The following TUBGCP2 variants were observed in gnomAD, a reference collection of about 807,000 sequenced individuals.
The protein encoded by TUBGCP2 is gamma-tubulin complex component 2.
A neutral mutation model predicts 92.2 loss-of-function variants in TUBGCP2; 55 were observed. That is an observed-to-expected ratio of 0.60 (90% CI 0.48 to 0.75). The LOEUF (loss-of-function observed/expected upper bound fraction) is 0.75. Among genes scored for constraint, TUBGCP2 ranks in the 30% least tolerant of loss-of-function variants. TUBGCP2 has a pLI of 0.00. For missense variants in TUBGCP2, 1,093 were observed against 1,188.9 expected, an observed-to-expected ratio of 0.92 and a Z score of 1.19; for synonymous variants, 533 against 505.2, an observed-to-expected ratio of 1.06 and a Z score of -0.74.
chr10:133,279,969 G>A (rs762459992), intron 17 of TUBGCP2, 68 bp from the exon 18 acceptor site: 147 of 1,564,710 alleles, frequency 9.4e-5, no homozygotes, highest in Non-Finnish European at 1.2e-4. Context: ...CAGCAGGGGT[G>A]TGGAAGGACG....
rs369778173 is a variant in TUBGCP2, at chr10:133,279,949, G to A, written c.2574-48C>T. The A allele has an allele frequency of 2.5e-5, 40 of 1,586,322 alleles. No individual in the cohort carries two copies. In the African/African-American group the frequency reaches 3.8e-4, roughly 15 times the overall value. The stretch of plus-strand genomic sequence containing the variant: ...TGGGGTGCACACCCCTTCTGCGGGT[G>A]CATGCTGGGCAGCAGGGGTGTGGAA... On this transcript the variant is annotated intron_variant, in intron 17 of 17. Coordinates refer to ENST00000252936, the MANE Select transcript of TUBGCP2 (RefSeq NM_006659.4).
Position 133,283,756 on chromosome 10 carries a change from TC to T in TUBGCP2, c.2145+125del, listed in dbSNP as rs1302335862. The T allele has an allele frequency of 2.0e-5, 29 of 1,432,934 alleles. No individual in the cohort carries two copies. In the African/African-American group the frequency reaches 3.3e-4, roughly 16 times the overall value. The allele number at this position is 1,432,934 out of a possible 1,614,324, so 88.8% of individuals were successfully genotyped here. On this transcript the variant is annotated intron_variant, in intron 14 of 17. Coordinates refer to ENST00000252936, the MANE Select transcript of TUBGCP2 (RefSeq NM_006659.4). ...CTGCCTCTCCTGCACTCCCTGCGTC[TC>T]CCTGCATTCCCTGCCTCTCCTGCAC... is the stretch of plus-strand genomic sequence containing the variant.
chr10:133,283,179 G>T lies in TUBGCP2; in HGVS notation c.2188C>A (p.Leu730Met). ...ATGCAGTCCTTCAGGCAGGTGTCCA[G>T]GAAGCCTGTGTGGTGGCCAAGGACG... ...DDVLGHHTGF[L>M]DTCLKDCMLT... is the part of the protein sequence containing the mutation. Residue 730 changes from leucine to methionine, a missense_variant, in exon 15 of 18, where the codon CTG (leucine) becomes ATG (methionine). Physicochemically the swap from Leu to Met is conservative, Grantham distance 15 (BLOSUM62 2). Around this residue, in one of 3 missense-constraint regions of TUBGCP2, gnomAD observed 598 missense variants for 675.5 expected, o/e 0.89. Transcript: ENST00000252936. The T allele has an allele frequency of 1.2e-6, 2 of 1,614,216 alleles. No individual in the cohort carries two copies. Among genetic ancestry groups the T allele is most frequent in the Non-Finnish European group, 1.7e-6 (2 of 1,180,042 alleles).
chr10:133,297,584 G>A (rs1253736834), intron 5 of TUBGCP2, among the ~76,000 whole-genome samples: 2 of 152,200 alleles, frequency 1.3e-5, no homozygotes, highest in South Asian at 2.1e-4. Flanking sequence ...GTCATGAATC[G>A]CTGTTCAGAA....
At position 133,279,712 on chromosome 10, in the gene TUBGCP2, A is replaced by T. The variant is rs1846915666; in HGVS notation, c.*54T>A. 6.6e-7 allele frequency: 1 copy of T among 1,503,990 alleles called. No homozygotes were observed. The highest frequency in any genetic ancestry group is 2.5e-5 in the East Asian group (1 of 39,682). 93.2% of individuals were successfully genotyped at this position (1,503,990 alleles called of 1,614,324 possible). ...CATTCGATTTGAAAATTCTGGACCCATTTGCACCAGTCCCTGCTGACCCCA... is the reference window on the plus strand; with the variant it reads ...CATTCGATTTGAAAATTCTGGACCCTTTTGCACCAGTCCCTGCTGACCCCA... On this transcript the variant is annotated 3_prime_UTR_variant, in exon 18 of 18. Transcript: ENST00000252936.
chr10:133,287,155 G>A (rs2136114104), intron 11 of TUBGCP2, among the ~76,000 whole-genome samples: 1 of 152,342 alleles, frequency 6.6e-6, no homozygotes. Flanking sequence ...GCAGATACTA[G>A]AAACCCATGA....
upstream of TUBGCP2, chr10:133,310,313 G>T: frequency 6.2e-7 from 1 of 1,612,578 alleles, no homozygotes. Context: ...GGCTCAGCAC[G>T]TGTCTGCTTT....
chr10:133,296,795 A>G (rs1847498291), intron 5 of TUBGCP2, among the ~76,000 whole-genome samples: 2 of 152,194 alleles, frequency 1.3e-5, no homozygotes, highest in South Asian at 2.1e-4. Flanking sequence ...TGTTTTCCAT[A>G]CTTTTCATTA....
At position 133,281,330 on chromosome 10, in the gene TUBGCP2, C is replaced by T. The variant is rs751528665; in HGVS notation, c.2516G>A (p.Arg839Gln). Residue 839 changes from arginine (R) to glutamine (Q), a missense_variant, in exon 17 of 18, where the codon CGG (arginine) becomes CAG (glutamine). Physicochemically the swap from Arg to Gln is conservative, Grantham distance 43. Coordinates refer to ENST00000252936, the MANE Select transcript of TUBGCP2 (RefSeq NM_006659.4). The part of the protein sequence containing the change: ...FSAHLLDLLA[R>Q]LSIYSTSDCE... ...GTCACTGGTGCTATAGATGCTCAGC[C>T]GGGCCAGGAGGTCCAGCAGGTGGGC... 1.4e-5 allele frequency: 23 copies of T among 1,613,398 alleles called. No homozygotes were observed. The highest frequency in any genetic ancestry group is 2.2e-5 in the East Asian group (1 of 44,890).
chr10:133,308,924 G>A (rs539433068), upstream of TUBGCP2: 839 of 1,214,752 alleles, frequency 6.9e-4, 2 homozygotes, highest in African/African-American at 8.6e-3. Context: ...GACAGGCTGC[G>A]CCCGCCCGCG....
intron 7 of TUBGCP2, 58 bp from the exon 8 acceptor site, chr10:133,292,746 A>C (rs1299494875): frequency 6.4e-6 from 10 of 1,552,384 alleles, no homozygotes; most frequent in Non-Finnish European, 8.7e-6. Context: ...AGCCTCTGCC[A>C]ACAACACTGC....
rs1847058034 is a variant in TUBGCP2, at chr10:133,283,821, C to T, written c.2145+61G>A. 3.1e-6 allele frequency: 5 copies of T among 1,597,594 alleles called. No individual in the cohort carries two copies. The East Asian group carries it at 9.0e-5, about 29-fold the overall frequency. ...CCTCGCCCTGCCTCTCCTGCACTTC[C>T]TGTCTCCCTGTGAAAGGAAAGTGGC... On this transcript the variant is annotated intron_variant, in intron 14 of 17. Transcript: ENST00000252936.
chr10:133,291,100 CAAAAGA>C (rs1847275163), intron 8 of TUBGCP2: 1 of 278,532 alleles, frequency 3.6e-6, no homozygotes, highest in Admixed American at 5.0e-5. Flanking sequence ...GTCCTGCACA[CAAAAGA>C]ATAAGGCCAT....
At chr10:133,309,840 G>A (rs1304069086), upstream of TUBGCP2, 6 of 1,613,694 alleles carry the variant, frequency 3.7e-6, no homozygotes, top group East Asian at 8.9e-5. Context: ...GGACGACTAC[G>A]AGCACCACTA....
intron 8 of TUBGCP2, 37 bp from the exon 9 acceptor site, chr10:133,290,006 C>A: frequency 5.6e-6 from 9 of 1,600,516 alleles, no homozygotes; most frequent in Non-Finnish European, 7.7e-6. Context: ...ACAGGCAAAG[C>A]AAGGGCGCCT....
At position 133,292,687 on chromosome 10, in the gene TUBGCP2, G is replaced by A; in HGVS notation, c.1026C>T (p.Ala342=). 3.1e-6 allele frequency: 5 copies of A among 1,612,250 alleles called. No individual in the cohort carries two copies. The highest frequency in any genetic ancestry group is 2.2e-5 in the East Asian group (1 of 44,828). Residue 342 remains alanine (A), a splice_region_variant and synonymous_variant, in exon 8 of 18, where the codon GCC becomes GCT. Transcript: ENST00000252936. ...GACATTCGCCTTTGTCCACCGAGGT[G>A]GCTGTGGGGAGAAAGGAGGGCTCAC... ...MRTMDILASL[A]TSVDKGECLG...
Position 133,279,430 on chromosome 10 carries a change from G to C in TUBGCP2, c.*336C>G, listed in dbSNP as rs746515099. Reference sequence around the variant, plus strand: ...GCCCCAGCTCACCCGGAAAGATGTGGACACCAGGCCTGGATCTTACCCCAC... The same window carrying C: ...GCCCCAGCTCACCCGGAAAGATGTGCACACCAGGCCTGGATCTTACCCCAC... On this transcript the variant is annotated 3_prime_UTR_variant, in exon 18 of 18. Transcript: ENST00000252936. 20 of 257,266 alleles carry C rather than the reference G, an allele frequency of 7.8e-5. No homozygotes were observed. Among genetic ancestry groups the C allele is most frequent in the Non-Finnish European group, 1.4e-4 (19 of 135,088 alleles). The allele number at this position is 257,266 out of a possible 1,614,324, so 15.9% of individuals were successfully genotyped here.
intron 5 of TUBGCP2, among the ~76,000 whole-genome samples, chr10:133,294,531 C>G (rs915873055): frequency 6.6e-6 from 1 of 152,204 alleles, no homozygotes. Context: ...GACTGCAGGC[C>G]TCAAGACTAC....
chr10:133,309,340 G>C (rs779970497), upstream of TUBGCP2: 10 of 1,585,006 alleles, frequency 6.3e-6, no homozygotes, highest in Non-Finnish European at 7.7e-6. Context: ...CTGACGCGGT[G>C]GGCGTGCCGC....
Sources: allele counts gnomAD v4.1 joint callset (sites outside exome capture counted in the v4.1 genomes callset), GRCh38; gene constraint gnomAD v4.1.1; regional missense constraint gnomAD v4.1.1; transcripts MANE v1.5; gene names NCBI Gene and HGNC (gene_info 2026-07-23, HGNC 2026-07-21).